GRIP1: variants seen among roughly 807,000 people sequenced by gnomAD.
The protein encoded by GRIP1 is glutamate receptor-interacting protein 1.
Under a neutral mutation model 129.9 loss-of-function variants are expected in GRIP1, and 45 were observed. That is an observed-to-expected ratio of 0.35 (90% confidence interval 0.27 to 0.44). The LOEUF is 0.44. GRIP1 is among the 20% of genes least tolerant of loss of function. The pLI, the probability that GRIP1 is intolerant of heterozygous loss-of-function variation, is 1.00. For missense variants in GRIP1, 1,196 were observed against 1,396.8 expected (o/e 0.86, Z 2.29); for synonymous variants, 530 against 520.8 (o/e 1.02, Z -0.24).
intron 7 of GRIP1, among the ~76,000 whole-genome samples, chr12:66,492,279 A>G (rs1035869094): frequency 3.3e-5 from 5 of 152,202 alleles, no homozygotes; most frequent in Non-Finnish European, 7.3e-5. Context: ...GTTGCCAAAA[A>G]TATACTTTGA....
intron 1 of GRIP1, among the ~76,000 whole-genome samples, chr12:66,772,576 C>T (rs1231308812): frequency 1.3e-5 from 2 of 152,038 alleles, no homozygotes; most frequent in African/African-American, 4.8e-5. Flanking sequence ...ATAACATGTG[C>T]TAAGGGAAAA....
At chr12:66,419,426 C>T (rs1344557267) in intron 15 of GRIP1, among the ~76,000 whole-genome samples, 2 of 152,036 alleles carry the variant, frequency 1.3e-5, no homozygotes, top group African/African-American at 4.8e-5. Context: ...TTTAATTGTA[C>T]ACTTAAAAAT....
chr12:66,410,077 C>A (rs1392334152), intron 15 of GRIP1, among the ~76,000 whole-genome samples: 1 of 149,454 alleles, frequency 6.7e-6, no homozygotes, highest in Non-Finnish European at 1.5e-5. Flanking sequence ...GGTGAAACCC[C>A]GTCTCTACTA....
intron 9 of GRIP1, among the ~76,000 whole-genome samples, chr12:66,460,847 T>G (rs2138298579): frequency 6.6e-6 from 1 of 152,090 alleles, no homozygotes; most frequent in East Asian, 1.9e-4. Context: ...CAATAATAAT[T>G]TTTTGTTTGT....
At chr12:66,758,427 C>T (rs1013026289) in intron 1 of GRIP1, among the ~76,000 whole-genome samples, 3 of 151,720 alleles carry the variant, frequency 2.0e-5, no homozygotes, top group African/African-American at 4.9e-5. Context: ...CTGGGAGACA[C>T]AATTCAAGTT....
chr12:66,544,524 T>C (rs894646800), intron 2 of GRIP1, among the ~76,000 whole-genome samples: 1 of 152,160 alleles, frequency 6.6e-6, no homozygotes, highest in African/African-American at 2.4e-5. Flanking sequence ...CACCATCTAT[T>C]TTACAATTTT....
At chr12:66,927,386 C>T (rs2137387836) in intron 1 of GRIP1, among the ~76,000 whole-genome samples, 1 of 152,300 alleles carries the variant, frequency 6.6e-6, no homozygotes, top group African/African-American at 2.4e-5. Flanking sequence ...TCCTCTAGAG[C>T]TTATAATAGA....
rs752071755 is a variant in GRIP1, at chr12:66,371,789, G to A, written c.2917C>T (p.Leu973=). 6.2e-7 allele frequency: 1 copy of A among 1,614,132 alleles called. No homozygotes were observed. Among genetic ancestry groups the A allele is most frequent in the Non-Finnish European group, 8.5e-7 (1 of 1,179,948 alleles). ...GACTTCCTACCCACATCTGAAGGCA[G>A]GGTGTTGCTCCGAGTTGTTTGGCTG... is the stretch of plus-strand genomic sequence containing the variant. The part of the protein sequence containing the change: ...HYSQTTRSNT[L]PSDVGRKSVT... The change falls in exon 23 of 25, where the codon CTG becomes TTG. Residue 973 remains leucine, a synonymous_variant. Transcript: ENST00000359742.
At chr12:66,726,253 C>A (rs2036250555) in intron 1 of GRIP1, among the ~76,000 whole-genome samples, 1 of 152,146 alleles carries the variant, frequency 6.6e-6, no homozygotes, top group African/African-American at 2.4e-5. Flanking sequence ...TGTAAGGCAG[C>A]AGGTCCAGCA....
intron 1 of GRIP1, among the ~76,000 whole-genome samples, chr12:66,965,068 G>C (rs1347957079): frequency 3.3e-5 from 5 of 151,998 alleles, no homozygotes; most frequent in African/African-American, 4.8e-5. Context: ...TGAGGTACTG[G>C]GGGTTAGTTT....
chr12:66,403,033 C>G (rs1254368264), intron 16 of GRIP1, among the ~76,000 whole-genome samples: 1 of 152,204 alleles, frequency 6.6e-6, no homozygotes, highest in African/African-American at 2.4e-5. Flanking sequence ...GTAGACATTA[C>G]TGAAAATGGG....
At chr12:66,706,545 T>C (rs776035831) in intron 1 of GRIP1, among the ~76,000 whole-genome samples, 7 of 152,270 alleles carry the variant, frequency 4.6e-5, no homozygotes, top group African/African-American at 7.2e-5. Flanking sequence ...TAAATCATTC[T>C]ACCATAAAGA....
chr12:66,474,670 T>C (rs2059549539), intron 7 of GRIP1, among the ~76,000 whole-genome samples: 1 of 150,708 alleles, frequency 6.6e-6, no homozygotes. Flanking sequence ...TGGGGGCCAA[T>C]ATTCAACATT....
intron 9 of GRIP1, among the ~76,000 whole-genome samples, chr12:66,459,428 A>G (rs2059068828): frequency 6.6e-6 from 1 of 152,172 alleles, no homozygotes; most frequent in Admixed American, 6.5e-5. Context: ...TGTGTTTCAA[A>G]TGAAGCCAGG....
Position 67,028,768 on chromosome 12 carries a change from T to C in GRIP1, c.58+40282A>G, listed in dbSNP as rs372547997. On this transcript the variant is annotated intron_variant, in intron 1 of 1. Coordinates refer to the GRIP1 transcript ENST00000643019. ...TCCCTGTGGTAACTGTATACTACAGTCCTAGGAAATGTACTTTTTACATTT... is the reference window on the plus strand; with the variant it reads ...TCCCTGTGGTAACTGTATACTACAGCCCTAGGAAATGTACTTTTTACATTT... Among the ~76,000 whole-genome samples, 364 of 152,302 alleles carry C rather than the reference T, an allele frequency of 2.4e-3. 2 individuals are homozygous for C. The highest frequency in any genetic ancestry group is 8.4e-3 in the African/African-American group (349 of 41,568).
At chr12:66,767,651 G>T (rs528078091) in intron 1 of GRIP1, among the ~76,000 whole-genome samples, 2 of 151,628 alleles carry the variant, frequency 1.3e-5, no homozygotes, top group Non-Finnish European at 2.9e-5. Flanking sequence ...TCTTGCCGTA[G>T]GCTGAAAAAC....
intron 1 of GRIP1, among the ~76,000 whole-genome samples, chr12:66,668,331 T>C (rs1045755891): frequency 6.6e-6 from 1 of 152,236 alleles, no homozygotes; most frequent in Non-Finnish European, 1.5e-5. Context: ...ATTTTTGATC[T>C]GTATGAGGTC....
chr12:66,709,937 T>C (rs2035659524), intron 1 of GRIP1, among the ~76,000 whole-genome samples: 1 of 151,968 alleles, frequency 6.6e-6, no homozygotes, highest in Admixed American at 6.6e-5. Flanking sequence ...TGTCTGATAT[T>C]TTTCTCATGA....
intron 1 of GRIP1, among the ~76,000 whole-genome samples, chr12:67,003,956 AG>A (rs1196650263): frequency 1.3e-5 from 2 of 152,114 alleles, no homozygotes; most frequent in Non-Finnish European, 2.9e-5. Context: ...AACTTCTTTC[AG>A]CTCCTAGTAG....
Sources: gnomAD v4.1 joint callset for allele counts (sites outside exome capture counted in the v4.1 genomes callset) on GRCh38, gnomAD v4.1.1 for gene constraint, MANE v1.5 for transcripts, NCBI Gene and HGNC (gene_info 2026-07-23, HGNC 2026-07-21) for gene names.